The following RBFOX1 variants were observed in gnomAD, a reference collection of about 807,000 sequenced individuals.
RBFOX1 encodes RNA binding fox-1 homolog 1.
A neutral mutation model predicts 57.7 loss-of-function variants in RBFOX1; 8 were observed. The observed-to-expected ratio is 0.14, with a 90% CI of 0.08 to 0.25. The LOEUF is 0.25. Among genes scored for constraint, RBFOX1 ranks in the 10% least tolerant of loss-of-function variants. The pLI, the probability that RBFOX1 is intolerant of heterozygous loss-of-function variation, is 1.00. For synonymous variants in RBFOX1, 326 were observed against 222.4 expected, an observed-to-expected ratio of 1.47 and a Z score of -4.15; for missense variants, 611 against 548.5, an observed-to-expected ratio of 1.11 and a Z score of -1.14.
intron 14 of RBFOX1, among the ~76,000 whole-genome samples, chr16:7,678,258 C>T (rs1422470770): frequency 6.6e-6 from 1 of 152,124 alleles, no homozygotes; most frequent in African/African-American, 2.4e-5. Flanking sequence ...TGCCAAGATG[C>T]AAAATGTGTT....
chr16:5,667,065 A>G (rs1022908071), intron 3 of RBFOX1, among the ~76,000 whole-genome samples: 18 of 152,182 alleles, frequency 1.2e-4, no homozygotes, highest in Non-Finnish European at 2.5e-4. Flanking sequence ...TCTGCCGTCT[A>G]CCTTCAGGAT....
intron 3 of RBFOX1, among the ~76,000 whole-genome samples, chr16:6,915,261 T>A (rs56089219): frequency 6.6e-6 from 1 of 151,796 alleles, no homozygotes; most frequent in African/African-American, 2.4e-5. Flanking sequence ...TTTCTACTAA[T>A]TCCCTCCAAG....
chr16:7,572,731 C>T lies in RBFOX1; in HGVS notation c.271-7046C>T, dbSNP rs565624830. On this transcript the variant is annotated intron_variant, in intron 5 of 15. Coordinates refer to ENST00000550418, the MANE Select transcript of RBFOX1 (RefSeq NM_018723.4). ...GCTGGCGCCTGTAGTCACAGCTACT[C>T]GGGAGGCTGAGGCAGGAGAATGGCG... Among the ~76,000 whole-genome samples, 103 of 151,902 alleles carry T rather than the reference C, an allele frequency of 6.8e-4. 1 individual carries two copies. The South Asian group carries it at 0.019, about 27-fold the overall frequency.
rs33934959 is a variant in RBFOX1, at chr16:5,343,298, G to GTTTT, written c.219+103210_219+103213dup. Among the ~76,000 whole-genome samples, 345 of 109,904 alleles carry GTTTT rather than the reference G, an allele frequency of 3.1e-3. 2 individuals carry two copies. Among genetic ancestry groups the GTTTT allele is most frequent in the African/African-American group, 0.011 (330 of 29,950 alleles). The allele number at this position is 109,904 out of a possible 152,430, so 72.1% of individuals were successfully genotyped here. A position where few individuals can be genotyped will look rare whatever the true frequency, so the allele number is the denominator to read the frequency against. ...CCTTTAAAACTTTCACTTCTTTGAA[G>GTTTT]TTTTTTTTTTTTTTTTTTTTGGTTT... On this transcript the variant is annotated intron_variant, in intron 1 of 2. Coordinates refer to the RBFOX1 transcript ENST00000585867.
chr16:6,145,280 T>C (rs1237714586), intron 1 of RBFOX1, among the ~76,000 whole-genome samples: 1 of 152,148 alleles, frequency 6.6e-6, no homozygotes, highest in Non-Finnish European at 1.5e-5. Flanking sequence ...AGTGAGAGCA[T>C]GCAGTATTTG....
intron 3 of RBFOX1, among the ~76,000 whole-genome samples, chr16:6,903,000 G>C (rs1400388726): frequency 6.6e-6 from 1 of 152,184 alleles, no homozygotes; most frequent in Non-Finnish European, 1.5e-5. Context: ...CAGTCACCAT[G>C]ATTGATGTGT....
At chr16:5,653,285 G>A (rs571008355) in intron 3 of RBFOX1, among the ~76,000 whole-genome samples, 17 of 151,844 alleles carry the variant, frequency 1.1e-4, no homozygotes, top group African/African-American at 3.6e-4. Flanking sequence ...GGGGTGCTGA[G>A]CCGTGTGCTG....
At chr16:7,145,797 C>T (rs867367445) in intron 4 of RBFOX1, among the ~76,000 whole-genome samples, 1 of 152,178 alleles carries the variant, frequency 6.6e-6, no homozygotes, top group Non-Finnish European at 1.5e-5. Flanking sequence ...CTATACCTCT[C>T]TCTGTTTGTG....
chr16:6,532,940 A>C (rs2096680151), intron 2 of RBFOX1, among the ~76,000 whole-genome samples: 1 of 152,210 alleles, frequency 6.6e-6, no homozygotes, highest in Non-Finnish European at 1.5e-5. Flanking sequence ...TTCTACCTGT[A>C]CAAAGGACAG....
At chr16:7,126,068 G>T (rs1205907478) in intron 4 of RBFOX1, among the ~76,000 whole-genome samples, 2 of 152,152 alleles carry the variant, frequency 1.3e-5, no homozygotes, top group African/African-American at 4.8e-5. Flanking sequence ...GGGCGACAGA[G>T]CCGGACTCCA....
chr16:5,623,533 A>G (rs2048259551), intron 3 of RBFOX1, among the ~76,000 whole-genome samples: 1 of 150,748 alleles, frequency 6.6e-6, no homozygotes, highest in Non-Finnish European at 1.5e-5. Context: ...TACACCCTAC[A>G]TGGTACAGGT....
intron 4 of RBFOX1, among the ~76,000 whole-genome samples, chr16:7,395,781 C>T (rs1032578612): frequency 6.6e-5 from 10 of 152,106 alleles, no homozygotes; most frequent in Admixed American, 3.3e-4. Flanking sequence ...TGAATTTTGG[C>T]GTACATATTT....
chr16:7,545,777 G>C, intron 5 of RBFOX1, among the ~76,000 whole-genome samples: 1 of 152,058 alleles, frequency 6.6e-6, no homozygotes. Context: ...GCTAGAAAAC[G>C]TGGTCTTGGG....
At position 7,001,542 on chromosome 16, in the gene RBFOX1, C is replaced by T. The variant is rs182280379; in HGVS notation, c.-15-50515C>T. On this transcript the variant is annotated intron_variant, in intron 3 of 15. Coordinates refer to ENST00000550418, the MANE Select transcript of RBFOX1 (RefSeq NM_018723.4). Reference sequence around the variant, plus strand: ...CATGATCTCAACTCGTTGCAACCTCCGCCTCCCGGGTTCAAGTGATGCTCC... The same window carrying T: ...CATGATCTCAACTCGTTGCAACCTCTGCCTCCCGGGTTCAAGTGATGCTCC... Among the ~76,000 whole-genome samples, 66 of 152,116 alleles carry T rather than the reference C, an allele frequency of 4.3e-4. 1 individual carries two copies. The highest frequency in any genetic ancestry group is 1.6e-3 in the Admixed American group (25 of 15,274).
intron 4 of RBFOX1, among the ~76,000 whole-genome samples, chr16:7,191,379 A>T (rs569751113): frequency 6.6e-6 from 1 of 151,856 alleles, no homozygotes; most frequent in East Asian, 1.9e-4. Flanking sequence ...TATTTCCTGG[A>T]TGCTTTACAA....
intron 3 of RBFOX1, among the ~76,000 whole-genome samples, chr16:5,655,430 C>G (rs139508685): frequency 7.4e-4 from 112 of 152,326 alleles, no homozygotes; most frequent in African/African-American, 2.7e-3. Context: ...TGAGGCTTTT[C>G]ATGAGCATAT....
At chr16:6,717,767 G>A (rs745627263) in intron 3 of RBFOX1, among the ~76,000 whole-genome samples, 10 of 152,006 alleles carry the variant, frequency 6.6e-5, no homozygotes, top group African/African-American at 2.2e-4. Flanking sequence ...ATGTGTTTAC[G>A]GGCTGCAATT....
chr16:7,154,466 A>T (rs914738106), intron 4 of RBFOX1, among the ~76,000 whole-genome samples: 2 of 152,230 alleles, frequency 1.3e-5, no homozygotes, highest in East Asian at 3.8e-4. Flanking sequence ...GATTTACCTG[A>T]CAAGAGGTCA....
At chr16:5,860,149 C>G (rs944955862) in intron 3 of RBFOX1, among the ~76,000 whole-genome samples, 1 of 152,156 alleles carries the variant, frequency 6.6e-6, no homozygotes, top group African/African-American at 2.4e-5. Flanking sequence ...ATGGCATGAT[C>G]TCAACTCACT....
Sources: gnomAD v4.1 joint callset for allele counts (sites outside exome capture counted in the v4.1 genomes callset) on GRCh38, gnomAD v4.1.1 for gene constraint, MANE v1.5 for transcripts, NCBI Gene and HGNC (gene_info 2026-07-23, HGNC 2026-07-21) for gene names.